Variants in PLCE1 observed in about 807,000 individuals in gnomAD.
PLCE1 encodes the protein 1-phosphatidylinositol 4,5-bisphosphate phosphodiesterase epsilon-1.
Under a neutral mutation model 242.8 loss-of-function variants are expected in PLCE1, and 119 were observed. The observed-to-expected ratio is 0.49, with a 90% confidence interval of 0.42 to 0.57. PLCE1 has a LOEUF of 0.57. Ranked by LOEUF, PLCE1 falls within the 20% of genes least tolerant of loss-of-function variation. PLCE1 has a pLI of 0.00. For missense variants in PLCE1, 2,441 were observed against 2,788.8 expected (o/e 0.88, Z 2.81); for synonymous variants, 945 against 1,017.4 (o/e 0.93, Z 1.35).
chr10:94,035,556 C>A (rs2061648061), intron 2 of PLCE1, among the ~76,000 whole-genome samples: 1 of 152,102 alleles, frequency 6.6e-6, no homozygotes, highest in African/African-American at 2.4e-5. Context: ...AACTTTTATC[C>A]CCTTGGTCTG....
rs867597510 is a variant in PLCE1, at chr10:94,182,972, A to G, written c.1809+11476A>G. Reference sequence around the variant, plus strand: ...CAGTGTTATTACTATTAAAAATAATAAACATGACCCAGAGAAGCACTGCAG... The same window carrying G: ...CAGTGTTATTACTATTAAAAATAATGAACATGACCCAGAGAAGCACTGCAG... On this transcript the variant is annotated intron_variant, in intron 4 of 32. Transcript: ENST00000371380. Among the ~76,000 whole-genome samples, 21 of 152,344 alleles carry G rather than the reference A, an allele frequency of 1.4e-4. 2 individuals are homozygous for G. The highest frequency in any genetic ancestry group is 3.4e-3 in the Middle Eastern group (1 of 294).
At chr10:94,072,947 C>T (rs1417756094) in intron 2 of PLCE1, among the ~76,000 whole-genome samples, 1 of 152,128 alleles carries the variant, frequency 6.6e-6, no homozygotes, top group Non-Finnish European at 1.5e-5. Flanking sequence ...TACACCTTCC[C>T]TCTCAGTAGC....
chr10:94,283,525 T>C, intron 20 of PLCE1: 2 of 365,236 alleles, frequency 5.5e-6, no homozygotes, highest in Non-Finnish European at 1.1e-5. Context: ...ATTATGTCTA[T>C]ATGCCAGATT....
chr10:94,184,890 G>T (rs2048424777), intron 4 of PLCE1, among the ~76,000 whole-genome samples: 1 of 151,194 alleles, frequency 6.6e-6, no homozygotes, highest in Admixed American at 6.6e-5. Context: ...TTTCTAACTT[G>T]TTCATTGCTA....
chr10:94,085,617 C>A (rs953505959), intron 2 of PLCE1, among the ~76,000 whole-genome samples: 3 of 152,194 alleles, frequency 2.0e-5, no homozygotes, highest in Admixed American at 1.3e-4. Context: ...TAGAAACATT[C>A]CCCAGCGGTT....
rs979531347 is a variant in PLCE1, at chr10:94,330,067, T to C, written c.*2124T>C. On this transcript the variant is annotated 3_prime_UTR_variant, in exon 33 of 33. Transcript: ENST00000371380. The stretch of plus-strand genomic sequence containing the variant: ...GCCCTACCACGTGTTGAAAACTGAG[T>C]TGCTGGTCTAAGTGGCTAGAGGCCA... The C allele has an allele frequency of 1.3e-5, 2 of 152,154 alleles. No homozygotes were observed. Among genetic ancestry groups the C allele is most frequent in the African/African-American group, 4.8e-5 (2 of 41,438 alleles). The allele number at this position is 152,154 out of a possible 1,614,324, so 9.4% of individuals were successfully genotyped here.
chr10:94,205,698 A>G (rs957500462), intron 4 of PLCE1, among the ~76,000 whole-genome samples: 13 of 152,188 alleles, frequency 8.5e-5, no homozygotes, highest in East Asian at 3.8e-4. Context: ...CAGCCCCAAA[A>G]TGCATCTGCA....
intron 2 of PLCE1, among the ~76,000 whole-genome samples, chr10:94,093,387 T>A (rs1046889636): frequency 4.6e-5 from 7 of 152,162 alleles, no homozygotes; most frequent in Non-Finnish European, 1.0e-4. Flanking sequence ...CTTACAATCA[T>A]GTAAAATAAG....
At chr10:94,165,401 G>T (rs1454263342) in intron 3 of PLCE1, among the ~76,000 whole-genome samples, 2 of 152,186 alleles carry the variant, frequency 1.3e-5, no homozygotes, top group South Asian at 2.1e-4. Flanking sequence ...CAATGAGCGA[G>T]GCTCTGTGGG....
intron 32 of PLCE1, among the ~76,000 whole-genome samples, chr10:94,327,233 C>T (rs2054056280): frequency 6.6e-6 from 1 of 152,140 alleles, no homozygotes; most frequent in Non-Finnish European, 1.5e-5. Flanking sequence ...ATGTTATGAC[C>T]TCCTTTACAA....
Position 94,044,600 on chromosome 10 carries a change from G to A in PLCE1, c.1206+12348G>A, listed in dbSNP as rs149485148. On this transcript the variant is annotated intron_variant, in intron 2 of 32. Coordinates refer to ENST00000371380, the MANE Select transcript of PLCE1 (RefSeq NM_016341.4). ...TTCAGTGTTGATGGACAGTTCAGAG[G>A]CACTCACAAACTCAGAATGCAGCTT... 5.6e-3 allele frequency among the ~76,000 whole-genome samples: 846 copies of A among 152,326 alleles called. 8 individuals are homozygous for A. The highest frequency in any genetic ancestry group is 0.044 in the Middle Eastern group (13 of 294).
At chr10:94,302,534 T>A (rs1361371521) in intron 24 of PLCE1, among the ~76,000 whole-genome samples, 1 of 151,332 alleles carries the variant, frequency 6.6e-6, no homozygotes, top group Admixed American at 6.6e-5. Flanking sequence ...AAAAAAAAAA[T>A]AGTTACCATT....
intron 22 of PLCE1, among the ~76,000 whole-genome samples, chr10:94,286,011 C>G (rs2052433129): frequency 6.6e-6 from 1 of 152,092 alleles, no homozygotes; most frequent in Admixed American, 6.5e-5. Flanking sequence ...CAATGAGGTA[C>G]TCAATTATGT....
intron 17 of PLCE1, among the ~76,000 whole-genome samples, chr10:94,270,035 A>G (rs1371982215): frequency 6.6e-6 from 1 of 152,226 alleles, no homozygotes; most frequent in African/African-American, 2.4e-5. Flanking sequence ...CCTGTATGCT[A>G]TATTGGCATG....
chr10:94,151,645 G>A (rs1481993803), intron 3 of PLCE1, among the ~76,000 whole-genome samples: 5 of 152,154 alleles, frequency 3.3e-5, no homozygotes, highest in African/African-American at 1.2e-4. Flanking sequence ...CTTGAGGTGA[G>A]CTTTCTTAGG....
intron 3 of PLCE1, among the ~76,000 whole-genome samples, chr10:94,151,586 A>C (rs1010179448): frequency 6.6e-6 from 1 of 152,160 alleles, no homozygotes; most frequent in Non-Finnish European, 1.5e-5. Context: ...AGAGGTCAAA[A>C]CCAGAGTCAC....
At chr10:94,123,836 C>G (rs1014482549) in intron 2 of PLCE1, among the ~76,000 whole-genome samples, 5 of 152,154 alleles carry the variant, frequency 3.3e-5, no homozygotes, top group African/African-American at 1.2e-4. Context: ...TGCGTTGTTA[C>G]CACCTATTAA....
intron 2 of PLCE1, among the ~76,000 whole-genome samples, chr10:94,087,362 A>G (rs890274935): frequency 3.3e-5 from 5 of 151,504 alleles, no homozygotes; most frequent in African/African-American, 9.7e-5. Flanking sequence ...AAAAAAAAAA[A>G]AAAAAAAAGA....
At chr10:94,138,898 T>A (rs1451939155) in intron 3 of PLCE1, 1 of 164,778 alleles carries the variant, frequency 6.1e-6, no homozygotes, top group African/African-American at 2.4e-5. Context: ...GGCCCAAATG[T>A]GGGCTCTTGC....
Sources: gnomAD v4.1 joint callset for allele counts (sites outside exome capture counted in the v4.1 genomes callset) on GRCh38, gnomAD v4.1.1 for gene constraint, MANE v1.5 for transcripts, NCBI Gene and HGNC (gene_info 2026-07-23, HGNC 2026-07-21) for gene names.